Variants in ATF7 observed in about 807,000 individuals in gnomAD.
ATF7 encodes cyclic AMP-dependent transcription factor ATF-7.
In ATF7, 10 loss-of-function variants were observed where a neutral mutation model predicts 50.4. That is an observed-to-expected ratio of 0.20 (90% CI 0.12 to 0.34). The LOEUF is 0.34. Ranked by LOEUF, ATF7 falls within the 10% of genes least tolerant of loss-of-function variation. ATF7 has a pLI of 1.00. For missense variants in ATF7, 465 were observed against 613.9 expected, an observed-to-expected ratio of 0.76 and a Z score of 2.56; for synonymous variants, 201 against 226.4, an observed-to-expected ratio of 0.89 and a Z score of 1.01.
chr12:53,564,494 C>A (rs1381807515), intron 2 of ATF7, among the ~76,000 whole-genome samples: 1 of 152,206 alleles, frequency 6.6e-6, no homozygotes, highest in East Asian at 1.9e-4. Context: ...TAACCACATC[C>A]TTTTGAGCAT....
At chr12:53,572,188 A>C (rs2137631915) in intron 2 of ATF7, among the ~76,000 whole-genome samples, 1 of 152,382 alleles carries the variant, frequency 6.6e-6, no homozygotes, top group South Asian at 2.1e-4. Context: ...TTAGAATAAC[A>C]GTTGTCACTC....
chr12:53,521,376 A>AC (rs1938118590), intron 11 of ATF7, among the ~76,000 whole-genome samples: 1 of 152,044 alleles, frequency 6.6e-6, no homozygotes, highest in African/African-American at 2.4e-5. Context: ...GACTGATGAG[A>AC]CCCTACATAA....
intron 1 of ATF7, among the ~76,000 whole-genome samples, chr12:53,622,940 T>A (rs1024236558): frequency 6.6e-6 from 1 of 152,208 alleles, no homozygotes; most frequent in African/African-American, 2.4e-5. Flanking sequence ...AACTTTAGCC[T>A]AGGAGTTCGA....
chr12:53,622,304 AAATAAT>A (rs139640578), intron 1 of ATF7, among the ~76,000 whole-genome samples: 5 of 148,148 alleles, frequency 3.4e-5, no homozygotes, highest in African/African-American at 1.2e-4. Flanking sequence ...TCCATCTCAA[AAATAAT>A]AATAATAATA....
chr12:53,550,263 G>A (rs1271261548), intron 3 of ATF7, among the ~76,000 whole-genome samples: 1 of 150,728 alleles, frequency 6.6e-6, no homozygotes, highest in Admixed American at 6.7e-5. Context: ...GGGGGAGGTT[G>A]TGGTGAGCCG....
chr12:53,573,127 T>A (rs1047975713), intron 2 of ATF7, among the ~76,000 whole-genome samples: 1 of 152,092 alleles, frequency 6.6e-6, no homozygotes, highest in Non-Finnish European at 1.5e-5. Flanking sequence ...TAAGATATTT[T>A]GAGAGAGAGA....
chr12:53,607,516 C>CA (rs1356474804), intron 1 of ATF7, among the ~76,000 whole-genome samples: 1 of 150,924 alleles, frequency 6.6e-6, no homozygotes, highest in Non-Finnish European at 1.5e-5. Context: ...TCTTTATGAC[C>CA]AAAAAAGAAC....
chr12:53,523,659 T>C (rs1170247864), intron 10 of ATF7, among the ~76,000 whole-genome samples: 1 of 152,210 alleles, frequency 6.6e-6, no homozygotes, highest in African/African-American at 2.4e-5. Flanking sequence ...GTAATACACA[T>C]GCTCTTTGAC....
At chr12:53,518,271 C>T (rs929662461) in intron 11 of ATF7, among the ~76,000 whole-genome samples, 3 of 152,232 alleles carry the variant, frequency 2.0e-5, no homozygotes, top group Non-Finnish European at 4.4e-5. Flanking sequence ...GTCCCTGGCC[C>T]GGGTTCAGTT....
chr12:53,587,820 C>CATATATATATATAT lies in ATF7; in HGVS notation c.48+13119_48+13132dup, dbSNP rs1242121330. Among the ~76,000 whole-genome samples the CATATATATATATAT allele has an allele frequency of 3.7e-3, 248 of 66,948 alleles. 4 individuals carry two copies. The highest frequency in any genetic ancestry group is 5.5e-3 in the Non-Finnish European group (164 of 30,038). 43.9% of individuals were successfully genotyped at this position (66,948 alleles called of 152,430 possible). On this transcript the variant is annotated intron_variant, in intron 2 of 11. Transcript: ENST00000420353. Reference sequence around the variant, plus strand: ...TTTTGATCCTCTATGTATACTTCTACATATATATATATATATATATATATT... The same window carrying CATATATATATATAT: ...TTTTGATCCTCTATGTATACTTCTACATATATATATATATATATATATATATATATATATATATT...
chr12:53,531,418 A>G (rs1202444621), intron 9 of ATF7, among the ~76,000 whole-genome samples: 1 of 147,572 alleles, frequency 6.8e-6, no homozygotes, highest in Non-Finnish European at 1.5e-5. Context: ...GCGAAACTCC[A>G]TCTCAAAAAA....
At chr12:53,567,117 G>A (rs1186431634) in intron 2 of ATF7, among the ~76,000 whole-genome samples, 2 of 152,170 alleles carry the variant, frequency 1.3e-5, no homozygotes, top group African/African-American at 4.8e-5. Flanking sequence ...ACCAATATAC[G>A]ATTTTCAATA....
intron 2 of ATF7, among the ~76,000 whole-genome samples, chr12:53,561,641 C>A (rs796593578): frequency 3.9e-5 from 6 of 152,256 alleles, no homozygotes; most frequent in African/African-American, 1.4e-4. Context: ...TCAAACCAAA[C>A]ATAACTTTCA....
At position 53,621,788 on chromosome 12, in the gene ATF7, C is replaced by CAA. The variant is rs559780353; in HGVS notation, c.-22+4489_-22+4490dup. ...TGGGTGACAGAGCAAGACTCTGTCT[C>CAA]AAAAAAAAAAAAAAAAAAAAAATCA... On this transcript the variant is annotated intron_variant, in intron 1 of 11. Transcript: ENST00000420353. Among the ~76,000 whole-genome samples the CAA allele has an allele frequency of 2.5e-3, 200 of 81,276 alleles. 3 individuals are homozygous for CAA. The highest frequency in any genetic ancestry group is 7.0e-3 in the African/African-American group (152 of 21,620). The allele number at this position is 81,276 out of a possible 152,430, so 53.3% of individuals were successfully genotyped here.
rs1386458912 is a variant in ATF7, at chr12:53,562,139, ATAT to A, written c.49-9505_49-9503del. Among the ~76,000 whole-genome samples, 4 of 152,328 alleles carry A rather than the reference ATAT, an allele frequency of 2.6e-5. No homozygotes were observed. The East Asian group carries it at 5.8e-4, about 22-fold the overall frequency. On this transcript the variant is annotated intron_variant, in intron 2 of 11. Coordinates refer to ENST00000420353, the MANE Select transcript of ATF7 (RefSeq NM_006856.3). ...AAGAAAAGGAATTTTGAAAGCAGAG[ATAT>A]TATTTGATAGTTGGTCTAGCTGCCA... is the stretch of plus-strand genomic sequence containing the variant.
intron 1 of ATF7, among the ~76,000 whole-genome samples, chr12:53,612,265 C>T (rs1364678421): frequency 1.3e-5 from 2 of 150,432 alleles, no homozygotes; most frequent in East Asian, 2.0e-4. Flanking sequence ...CATGAGCCAC[C>T]GTGCCTGGCA....
intron 1 of ATF7, among the ~76,000 whole-genome samples, chr12:53,624,788 A>T (rs908651505): frequency 6.6e-6 from 1 of 152,244 alleles, no homozygotes; most frequent in African/African-American, 2.4e-5. Context: ...TAACATGTCT[A>T]TTTTATTTAC....
intron 11 of ATF7, among the ~76,000 whole-genome samples, chr12:53,519,645 C>T (rs964678023): frequency 5.9e-5 from 9 of 152,114 alleles, no homozygotes; most frequent in African/African-American, 2.2e-4. Flanking sequence ...AATGGATTAA[C>T]TATGTATCAG....
chr12:53,567,144 C>T (rs553485875), intron 2 of ATF7, among the ~76,000 whole-genome samples: 1 of 152,344 alleles, frequency 6.6e-6, no homozygotes, highest in East Asian at 1.9e-4. Context: ...GATTCTACTT[C>T]ATTTTCTATC....
Sources: allele counts gnomAD v4.1 joint callset (sites outside exome capture counted in the v4.1 genomes callset), GRCh38; gene constraint gnomAD v4.1.1; transcripts MANE v1.5; gene names NCBI Gene and HGNC (gene_info 2026-07-23, HGNC 2026-07-21).